Variants in KANK4 observed in about 807,000 individuals in gnomAD.
The protein encoded by KANK4 is KN motif and ankyrin repeat domain-containing protein 4.
KANK4 carries 50 observed loss-of-function variants against 80.8 expected under a neutral mutation model. The observed-to-expected ratio is 0.62, with a 90% CI of 0.49 to 0.78. KANK4 has a LOEUF of 0.78. Among genes scored for constraint, KANK4 ranks in the 30% least tolerant of loss-of-function variants. The pLI is 0.00. For missense variants in KANK4, 1,196 were observed against 1,240.1 expected (o/e 0.96, Z 0.53); for synonymous variants, 465 against 506.9 (o/e 0.92, Z 1.11).
intron 7 of KANK4, among the ~76,000 whole-genome samples, chr1:62,256,571 T>A (rs1671756935): frequency 6.6e-6 from 1 of 152,146 alleles, no homozygotes; most frequent in African/African-American, 2.4e-5. Flanking sequence ...TTAGCAGAGA[T>A]GGGGTTTCTC....
rs1671936243 is a variant in KANK4 at position 62,263,249 on chromosome 1, G to C, written c.2382C>G (p.Ser794Arg). 6.2e-7 allele frequency: 1 copy of C among 1,613,358 alleles called. No homozygotes were observed. Among genetic ancestry groups the C allele is most frequent in the African/African-American group, 1.3e-5 (1 of 74,886 alleles). Residue 794 changes from serine to arginine, a missense_variant, in exon 7 of 10, where the codon AGC becomes AGG. Physicochemically the swap from Ser to Arg is moderately radical, Grantham distance 110 (BLOSUM62 -1). This residue lies in a region of KANK4 where 1,154 missense variants were observed against 1,179.6 expected (regional missense o/e 0.98). Transcript: ENST00000371153. Reference sequence around the variant, plus strand: ...GGAGGTAGGAGGCCACCACGGCGGGGCTAGACGACTTCCGGCTGGAGACGC... The same window carrying C: ...GGAGGTAGGAGGCCACCACGGCGGGCCTAGACGACTTCCGGCTGGAGACGC... ...WFRVSSRKSS[S>R]PAVVASYLHE...
intron 1 of KANK4, among the ~76,000 whole-genome samples, chr1:62,312,125 T>C (rs1024861437): frequency 4.6e-5 from 7 of 152,154 alleles, no homozygotes; most frequent in African/African-American, 1.7e-4. Context: ...TATTGAAATA[T>C]AATTAATAAA....
At chr1:62,282,157 T>C (rs2765252) in intron 1 of KANK4, among the ~76,000 whole-genome samples, 2,551 of 152,232 alleles carry the variant, frequency 0.017, 68 homozygotes, top group African/African-American at 0.058. Context: ...GACAGGGAGC[T>C]GCTACTTAGA....
rs559353475 is a variant in KANK4, at chr1:62,292,110, G to A, written c.-70-10476C>T. On this transcript the variant is annotated intron_variant, in intron 1 of 9. Transcript: ENST00000371153. The stretch of plus-strand genomic sequence containing the variant: ...TACTTTCTGTCTGTATAGATTTGCC[G>A]ATTGAGGACACTGCCTACAAATGGA... Among the ~76,000 whole-genome samples the A allele has an allele frequency of 9.1e-4, 139 of 152,232 alleles. 2 individuals are homozygous for A. In the South Asian group the frequency reaches 0.027, roughly 30 times the overall value.
chr1:62,271,334 G>C (rs996118786), intron 4 of KANK4, 144 bp downstream of exon 4: 2 of 654,854 alleles, frequency 3.1e-6, no homozygotes, highest in Non-Finnish European at 5.5e-6. Context: ...GCAAACCCGA[G>C]ATGGAGTTTT....
chr1:62,264,764 C>G (rs905757902), intron 6 of KANK4, among the ~76,000 whole-genome samples: 1 of 152,164 alleles, frequency 6.6e-6, no homozygotes, highest in African/African-American at 2.4e-5. Flanking sequence ...TCAAGAAAAT[C>G]TGGAGAAAGA....
intron 1 of KANK4, among the ~76,000 whole-genome samples, chr1:62,297,354 C>T (rs1644375122): frequency 6.6e-6 from 1 of 152,142 alleles, no homozygotes; most frequent in Admixed American, 6.5e-5. Context: ...TATTTAATTT[C>T]AGGATGACCA....
At chr1:62,239,066 CTT>C (rs373105020) in intron 9 of KANK4, among the ~76,000 whole-genome samples, 2 of 140,762 alleles carry the variant, frequency 1.4e-5, no homozygotes, top group African/African-American at 2.6e-5. Flanking sequence ...GTTGTTGGTT[CTT>C]TTTTTTTTTT....
Position 62,247,690 on chromosome 1 carries a change from G to A in KANK4, c.2683-18C>T. On this transcript the variant is annotated intron_variant, in intron 8 of 9. Coordinates refer to ENST00000371153, the MANE Select transcript of KANK4 (RefSeq NM_181712.5). ...TGGCCTCCCTGCATGCAGAGCCACA[G>A]GGATGTGGTGAGGTTGCTGCCAGTG... is the stretch of plus-strand genomic sequence containing the variant. 3 of 1,611,330 alleles carry A rather than the reference G, an allele frequency of 1.9e-6. No homozygotes were observed. Among genetic ancestry groups the A allele is most frequent in the Non-Finnish European group, 2.5e-6 (3 of 1,179,200 alleles).
chr1:62,243,545 G>A (rs1194944833), intron 9 of KANK4, among the ~76,000 whole-genome samples: 3 of 151,984 alleles, frequency 2.0e-5, no homozygotes, highest in African/African-American at 7.3e-5. Context: ...CAAAATGTTG[G>A]CCAGGCTGGT....
chr1:62,249,282 C>T (rs1671550794), intron 8 of KANK4, among the ~76,000 whole-genome samples: 2 of 151,580 alleles, frequency 1.3e-5, no homozygotes, highest in African/African-American at 4.8e-5. Flanking sequence ...TTTCTGATTA[C>T]AAATTGACCA....
chr1:62,247,365 C>T, intron 9 of KANK4, 107 bp downstream of exon 9: 1 of 946,380 alleles, frequency 1.1e-6, no homozygotes, highest in Non-Finnish European at 1.7e-6. Context: ...GTCTCGAACT[C>T]CTGGGCTCAA....
intron 1 of KANK4, among the ~76,000 whole-genome samples, chr1:62,306,605 C>T (rs1377202224): frequency 6.6e-6 from 1 of 151,996 alleles, no homozygotes; most frequent in Non-Finnish European, 1.5e-5. Context: ...TAAACAGATT[C>T]TCTATCCCTG....
intron 1 of KANK4, among the ~76,000 whole-genome samples, chr1:62,292,449 A>G (rs1368897958): frequency 6.6e-6 from 1 of 152,000 alleles, no homozygotes; most frequent in Non-Finnish European, 1.5e-5. Context: ...GTATTTCCCC[A>G]TATTACCTAT....
intron 1 of KANK4, among the ~76,000 whole-genome samples, chr1:62,307,210 C>T (rs1024412799): frequency 3.3e-5 from 5 of 152,010 alleles, no homozygotes; most frequent in African/African-American, 1.2e-4. Flanking sequence ...GAGTCCGGTG[C>T]GGTGGCTCAC....
At chr1:62,288,713 A>G (rs188438596) in intron 1 of KANK4, among the ~76,000 whole-genome samples, 14 of 152,286 alleles carry the variant, frequency 9.2e-5, no homozygotes, top group Admixed American at 7.2e-4. Flanking sequence ...GCATTAACCA[A>G]TGAAAAATGC....
intron 1 of KANK4, among the ~76,000 whole-genome samples, chr1:62,296,871 G>A (rs1644368779): frequency 6.6e-6 from 1 of 151,934 alleles, no homozygotes; most frequent in African/African-American, 2.4e-5. Context: ...ATATGTTGAT[G>A]GTTTTATTCC....
chr1:62,293,404 G>C (rs1925827), intron 1 of KANK4, among the ~76,000 whole-genome samples: 3 of 151,912 alleles, frequency 2.0e-5, no homozygotes, highest in African/African-American at 7.2e-5. Flanking sequence ...CTCAATTCTT[G>C]AAATCTATAA....
intron 7 of KANK4, among the ~76,000 whole-genome samples, chr1:62,254,589 T>C (rs1376543313): frequency 6.6e-6 from 1 of 151,768 alleles, no homozygotes; most frequent in Admixed American, 6.6e-5. Flanking sequence ...ACAGTCTCTC[T>C]GTCGCCCAGG....
Sources: allele counts gnomAD v4.1 joint callset (sites outside exome capture counted in the v4.1 genomes callset), GRCh38; gene constraint gnomAD v4.1.1; regional missense constraint gnomAD v4.1.1; transcripts MANE v1.5; gene names NCBI Gene and HGNC (gene_info 2026-07-23, HGNC 2026-07-21).